The following RB1CC1 variants were observed in gnomAD, a reference collection of about 807,000 sequenced individuals.
RB1CC1 encodes the protein RB1-inducible coiled-coil protein 1.
Under a neutral mutation model 177.5 loss-of-function variants are expected in RB1CC1, and 46 were observed. That is an observed-to-expected ratio of 0.26 (90% confidence interval 0.20 to 0.33). The LOEUF (loss-of-function observed/expected upper bound fraction) is 0.33, where lower values mean the gene tolerates loss of function less well. Among genes scored for constraint, RB1CC1 ranks in the 10% least tolerant of loss-of-function variants. RB1CC1 has a pLI of 1.00. For synonymous variants in RB1CC1, 666 were observed against 613.6 expected, an observed-to-expected ratio of 1.09 and a Z score of -1.26; for missense variants, 1,703 against 1,816.3, an observed-to-expected ratio of 0.94 and a Z score of 1.13.
intron 2 of RB1CC1, among the ~76,000 whole-genome samples, chr8:52,686,370 C>T (rs1249454824): frequency 1.3e-5 from 2 of 152,148 alleles, no homozygotes; most frequent in African/African-American, 4.8e-5. Flanking sequence ...ACAGCAACAC[C>T]CTGTCTGCAC....
chr8:52,677,099 A>T (rs1853203200), intron 5 of RB1CC1, among the ~76,000 whole-genome samples: 1 of 152,338 alleles, frequency 6.6e-6, no homozygotes, highest in African/African-American at 2.4e-5. Flanking sequence ...TTTATTAAGG[A>T]TAAATTACAA....
rs370784444 is a variant in RB1CC1 at position 52,664,562 on chromosome 8, A to G, written c.1174-2843T>C. 3.9e-5 allele frequency among the ~76,000 whole-genome samples: 6 copies of G among 152,140 alleles called. No individual in the cohort carries two copies. The East Asian group carries it at 7.7e-4, about 20-fold the overall frequency. On this transcript the variant is annotated intron_variant, in intron 8 of 23. Coordinates refer to ENST00000025008, the MANE Select transcript of RB1CC1 (RefSeq NM_014781.5). ...AAAATACTACAAATAAATTAGGGGG[A>G]ATGAAGATGTTGAAAGAGGATGCTC...
At chr8:52,629,864 A>G (rs931713284) in intron 21 of RB1CC1, among the ~76,000 whole-genome samples, 2 of 152,110 alleles carry the variant, frequency 1.3e-5, no homozygotes, top group Admixed American at 6.5e-5. Flanking sequence ...GGACCAAACC[A>G]ACTTGTATCT....
intron 5 of RB1CC1, 113 bp from the exon 6 acceptor site, chr8:52,676,684 A>C (rs1200395637): frequency 3.1e-5 from 28 of 894,896 alleles, no homozygotes; most frequent in Non-Finnish European, 1.9e-5. Context: ...CACATTTAAC[A>C]AAGTATTTCA....
chr8:52,635,989 G>T (rs371064443), intron 19 of RB1CC1, 26 bp downstream of exon 19: 3 of 1,603,394 alleles, frequency 1.9e-6, no homozygotes, highest in Non-Finnish European at 2.6e-6. Flanking sequence ...ATTAAACATG[G>T]TACTTCAAGA....
intron 1 of RB1CC1, among the ~76,000 whole-genome samples, chr8:52,693,459 GA>G (rs964671401): frequency 6.6e-6 from 1 of 151,102 alleles, no homozygotes; most frequent in Non-Finnish European, 1.5e-5. Flanking sequence ...CAACAAACAT[GA>G]AAAAAAAGCT....
intron 2 of RB1CC1, chr8:52,686,251 A>T (rs1854267039): frequency 6.6e-6 from 1 of 152,298 alleles, no homozygotes; most frequent in South Asian, 2.1e-4. Context: ...TAAAATGAGG[A>T]TAACATACAC....
chr8:52,642,031 A>T (rs1175985238), intron 18 of RB1CC1, among the ~76,000 whole-genome samples: 1 of 152,116 alleles, frequency 6.6e-6, no homozygotes, highest in Non-Finnish European at 1.5e-5. Context: ...CATTACTACA[A>T]TAACCCCTTT....
chr8:52,699,833 ATAT>A (rs1855877315), intron 1 of RB1CC1, among the ~76,000 whole-genome samples: 28 of 55,358 alleles, frequency 5.1e-4, no homozygotes, highest in African/African-American at 1.4e-3. Flanking sequence ...AAAAAAAAAT[ATAT>A]ATATATATAT....
intron 21 of RB1CC1, 141 bp downstream of exon 21, chr8:52,630,329 T>TA (rs1014776466): frequency 6.7e-5 from 66 of 987,352 alleles, no homozygotes; most frequent in African/African-American, 4.0e-4. Flanking sequence ...TGCTTTCCAG[T>TA]AAAAAACTTT....
At chr8:52,686,815 G>A in intron 2 of RB1CC1, 38 bp downstream of exon 2, 1 of 395,578 alleles carries the variant, frequency 2.5e-6, no homozygotes, top group South Asian at 1.9e-5. Context: ...AAAGGCAATA[G>A]ATTAAACTCT....
In RB1CC1 at chr8:52,658,071, T is replaced by C; in HGVS notation, c.1847A>G (p.His616Arg). 1.9e-6 allele frequency: 3 copies of C among 1,614,026 alleles called. No homozygotes were observed. The highest frequency in any genetic ancestry group is 2.5e-6 in the Non-Finnish European group (3 of 1,179,974). ...EPLHQHVLAL[H>R]NLVKAAQSLD... ...ACTTTGTGCTGCTTTTACCAAATTATGTAGAGCAAGTACATGCTGGTGTAG... is the reference window on the plus strand; with the variant it reads ...ACTTTGTGCTGCTTTTACCAAATTACGTAGAGCAAGTACATGCTGGTGTAG... The change falls in exon 14 of 24, where the codon CAT becomes CGT. Residue 616 changes from histidine (H) to arginine (R), a missense_variant. Transcript: ENST00000025008.
At chr8:52,694,746 C>G (rs1276896688) in intron 1 of RB1CC1, among the ~76,000 whole-genome samples, 1 of 152,092 alleles carries the variant, frequency 6.6e-6, no homozygotes, top group African/African-American at 2.4e-5. Flanking sequence ...GAAGTCCTGC[C>G]CAGAGACAAG....
At chr8:52,625,846 A>G (rs1322462858) in intron 22 of RB1CC1, among the ~76,000 whole-genome samples, 1 of 152,356 alleles carries the variant, frequency 6.6e-6, no homozygotes, top group East Asian at 1.9e-4. Context: ...TAGAACTACC[A>G]TAAGTTGGGA....
intron 7 of RB1CC1, among the ~76,000 whole-genome samples, chr8:52,671,467 C>A (rs533937933): frequency 6.6e-6 from 1 of 152,232 alleles, no homozygotes; most frequent in East Asian, 1.9e-4. Context: ...GAGTAAAAAA[C>A]CATCTCCAAT....
At chr8:52,664,353 T>C (rs995417845) in intron 8 of RB1CC1, among the ~76,000 whole-genome samples, 8 of 152,166 alleles carry the variant, frequency 5.3e-5, no homozygotes, top group African/African-American at 1.9e-4. Flanking sequence ...TATGAATACT[T>C]AGGAGTACCA....
chr8:52,696,337 C>T (rs1181900340), intron 1 of RB1CC1, among the ~76,000 whole-genome samples: 6 of 152,172 alleles, frequency 3.9e-5, no homozygotes, highest in East Asian at 3.9e-4. Flanking sequence ...CCACCACGCC[C>T]GGCCTACTTT....
At chr8:52,662,014 T>C (rs1729633979) in intron 8 of RB1CC1, among the ~76,000 whole-genome samples, 1 of 152,056 alleles carries the variant, frequency 6.6e-6, no homozygotes, top group South Asian at 2.1e-4. Context: ...AGAAGCTATG[T>C]GTCTAGAATC....
chr8:52,684,063 C>G, intron 3 of RB1CC1, 50 bp from the exon 4 acceptor site: 1 of 1,558,348 alleles, frequency 6.4e-7, no homozygotes, highest in South Asian at 1.2e-5. Flanking sequence ...TGCCCAATGA[C>G]TTTATTTTCC....
Sources: allele counts gnomAD v4.1 joint callset (sites outside exome capture counted in the v4.1 genomes callset), GRCh38; gene constraint gnomAD v4.1.1; transcripts MANE v1.5; gene names NCBI Gene and HGNC (gene_info 2026-07-23, HGNC 2026-07-21).